The following PDE4D variants were observed in gnomAD, a reference collection of about 807,000 sequenced individuals.
The protein encoded by PDE4D is 3',5'-cyclic-AMP phosphodiesterase 4D.
Under a neutral mutation model 87.4 loss-of-function variants are expected in PDE4D, and 24 were observed. That is an observed-to-expected ratio of 0.27 (90% CI 0.20 to 0.39). The LOEUF (loss-of-function observed/expected upper bound fraction) is 0.39. Ranked by LOEUF, PDE4D falls within the 10% of genes least tolerant of loss-of-function variation. The pLI, the probability that PDE4D is intolerant of heterozygous loss-of-function variation, is 1.00. For synonymous variants in PDE4D, 384 were observed against 383.2 expected, an observed-to-expected ratio of 1.00 and a Z score of -0.02; for missense variants, 714 against 1,041.0, an observed-to-expected ratio of 0.69 and a Z score of 4.32.
chr5:59,307,432 A>C (rs992649496), intron 1 of PDE4D, among the ~76,000 whole-genome samples: 22 of 152,088 alleles, frequency 1.4e-4, no homozygotes, highest in Middle Eastern at 3.4e-3. Flanking sequence ...CAACCTACAA[A>C]ATGGGAGAAA....
At chr5:59,471,997 C>T (rs537688564) in intron 1 of PDE4D, among the ~76,000 whole-genome samples, 3 of 152,102 alleles carry the variant, frequency 2.0e-5, no homozygotes, top group Admixed American at 6.6e-5. Flanking sequence ...ACATAAATAG[C>T]CCTACCAGAG....
intron 3 of PDE4D, among the ~76,000 whole-genome samples, chr5:59,923,387 T>C (rs112859881): frequency 0.048 from 7,335 of 152,238 alleles, 254 homozygotes; most frequent in Non-Finnish European, 0.073. Context: ...GTACTGGTCA[T>C]TGCAGGCCTT....
In PDE4D at chr5:59,754,797, A is replaced by ATTTTTTTTTTTTTTTTTTTTT. The variant is rs754869518; in HGVS notation, c.455+138350_455+138370dup. Among the ~76,000 whole-genome samples, 24 of 96,870 alleles carry ATTTTTTTTTTTTTTTTTTTTT rather than the reference A, an allele frequency of 2.5e-4. 11 individuals are homozygous for ATTTTTTTTTTTTTTTTTTTTT. The highest frequency in any genetic ancestry group is 2.0e-4 in the Non-Finnish European group (10 of 49,874). 63.6% of individuals were successfully genotyped at this position (96,870 alleles called of 152,430 possible). A position where few individuals can be genotyped will look rare whatever the true frequency, so the allele number is the denominator to read the frequency against. ...GCAGGTACAGAATTTTCCACAGAAC[A>ATTTTTTTTTTTTTTTTTTTTT]TTTTTTTTTTTTTTTTTTTTTTTTT... is the stretch of plus-strand genomic sequence containing the variant. On this transcript the variant is annotated intron_variant, in intron 1 of 14. Transcript: ENST00000340635.
At chr5:60,092,632 TA>T (rs58114633) in intron 2 of PDE4D, among the ~76,000 whole-genome samples, 5,903 of 141,032 alleles carry the variant, frequency 0.042, 311 homozygotes, top group African/African-American at 0.13. Flanking sequence ...TTCTGCACGC[TA>T]AAAAAAAAAA....
intron 2 of PDE4D, among the ~76,000 whole-genome samples, chr5:60,065,113 T>A (rs1454568444): frequency 6.6e-6 from 1 of 152,134 alleles, no homozygotes; most frequent in Non-Finnish European, 1.5e-5. Flanking sequence ...TGTGCTCAAC[T>A]CAAAAGGATT....
intron 1 of PDE4D, among the ~76,000 whole-genome samples, chr5:59,714,229 A>C (rs557001878): frequency 6.6e-6 from 1 of 152,230 alleles, no homozygotes; most frequent in Non-Finnish European, 1.5e-5. Flanking sequence ...AAGCAGCCCA[A>C]TGAAGTACTC....
At position 59,556,045 on chromosome 5, in the gene PDE4D, T is replaced by C. The variant is rs550204817; in HGVS notation, c.455+337123A>G. On this transcript the variant is annotated intron_variant, in intron 1 of 14. Transcript: ENST00000340635. ...TCTAAATGTATCTCAATGTCTTTTG[T>C]GCTTTCTGGAAGGTATTAGAGTTTA... Among the ~76,000 whole-genome samples the C allele has an allele frequency of 2.6e-5, 4 of 152,290 alleles. No individual in the cohort carries two copies. In the East Asian group the frequency reaches 7.7e-4, roughly 29 times the overall value.
intron 1 of PDE4D, among the ~76,000 whole-genome samples, chr5:59,674,649 C>T (rs1374934124): frequency 6.6e-6 from 1 of 152,120 alleles, no homozygotes; most frequent in African/African-American, 2.4e-5. Context: ...GCTTTCTTTC[C>T]ATGAGTTATC....
chr5:59,467,361 T>C (rs1254277042), intron 1 of PDE4D, among the ~76,000 whole-genome samples: 1 of 152,034 alleles, frequency 6.6e-6, no homozygotes, highest in Non-Finnish European at 1.5e-5. Context: ...AGACAAAAAC[T>C]AAATAAAGCA....
At chr5:59,395,429 C>G (rs1003433514) in intron 1 of PDE4D, among the ~76,000 whole-genome samples, 4 of 152,242 alleles carry the variant, frequency 2.6e-5, no homozygotes, top group African/African-American at 7.2e-5. Context: ...TCTCTGACCC[C>G]TGACCCCCGA....
intron 5 of PDE4D, among the ~76,000 whole-genome samples, chr5:59,108,955 ATGTGTGTGTGTGTGTGTGTGTGTG>A (rs57004711): frequency 1.6e-5 from 2 of 121,872 alleles, no homozygotes; most frequent in African/African-American, 3.1e-5. Flanking sequence ...TAGGAACTCA[ATGTGTGTGTGTGTGTGTGTGTGTG>A]TGTGTGTGTG....
At chr5:59,981,368 G>A (rs954914541) in intron 3 of PDE4D, among the ~76,000 whole-genome samples, 2 of 152,204 alleles carry the variant, frequency 1.3e-5, no homozygotes, top group African/African-American at 2.4e-5. Context: ...GTGATATTTT[G>A]TGAGTATCCT....
intron 1 of PDE4D, among the ~76,000 whole-genome samples, chr5:59,731,122 A>T (rs1020365451): frequency 6.6e-6 from 1 of 152,094 alleles, no homozygotes; most frequent in Non-Finnish European, 1.5e-5. Context: ...CTAGTTAAAA[A>T]AAACAAGCTC....
At position 60,246,370 on chromosome 5, in the gene PDE4D, T is replaced by C. The variant is rs373461420; in HGVS notation, c.-89-60683A>G. Reference sequence around the variant, plus strand: ...TTAATTTAATTGCATTATAGTCAGATACTGCCTCTTCCCAAATCTTCCTGT... The same window carrying C: ...TTAATTTAATTGCATTATAGTCAGACACTGCCTCTTCCCAAATCTTCCTGT... On this transcript the variant is annotated intron_variant, in intron 1 of 16. Transcript: ENST00000502484. Among the ~76,000 whole-genome samples, 5 of 151,968 alleles carry C rather than the reference T, an allele frequency of 3.3e-5. No individual in the cohort carries two copies. The East Asian group carries it at 9.7e-4, about 30-fold the overall frequency.
At chr5:59,669,579 A>C (rs1363848554) in intron 1 of PDE4D, among the ~76,000 whole-genome samples, 1 of 152,168 alleles carries the variant, frequency 6.6e-6, no homozygotes, top group Non-Finnish European at 1.5e-5. Context: ...AATTTAACTA[A>C]TTCTGGAGTT....
At chr5:60,047,067 G>A in intron 2 of PDE4D, among the ~76,000 whole-genome samples, 1 of 152,188 alleles carries the variant, frequency 6.6e-6, no homozygotes, top group East Asian at 1.9e-4. Context: ...TCTATTCAGA[G>A]ATTCAACTTC....
intron 2 of PDE4D, among the ~76,000 whole-genome samples, chr5:59,195,109 G>A (rs1029266840): frequency 1.3e-5 from 2 of 152,116 alleles, no homozygotes; most frequent in Admixed American, 6.5e-5. Context: ...AGATGCTGAT[G>A]CCATGTCCTT....
rs539152504 is a variant in PDE4D at position 59,416,346 on chromosome 5, C to T, written c.456-200378G>A. Among the ~76,000 whole-genome samples, 5 of 152,184 alleles carry T rather than the reference C, an allele frequency of 3.3e-5. No individual in the cohort carries two copies. In the South Asian group the frequency reaches 1.0e-3, roughly 32 times the overall value. On this transcript the variant is annotated intron_variant, in intron 1 of 14. Transcript: ENST00000340635. Reference sequence around the variant, plus strand: ...TGGATCTGGCCTGAGAAAATAGTAACCAGAAAACCAGGGGCTATTCAGGAT... The same window carrying T: ...TGGATCTGGCCTGAGAAAATAGTAATCAGAAAACCAGGGGCTATTCAGGAT...
chr5:58,976,136 G>GTTTTT (rs1276897780), intron 13 of PDE4D, among the ~76,000 whole-genome samples: 1 of 152,094 alleles, frequency 6.6e-6, no homozygotes, highest in East Asian at 1.9e-4. Context: ...TTGTTTGTTA[G>GTTTTT]TTTTTTTAAT....
Sources: allele counts gnomAD v4.1 joint callset (sites outside exome capture counted in the v4.1 genomes callset), GRCh38; gene constraint gnomAD v4.1.1; transcripts MANE v1.5; gene names NCBI Gene and HGNC (gene_info 2026-07-23, HGNC 2026-07-21).